Variants in NTNG1 observed in about 807,000 individuals in gnomAD.
The protein encoded by NTNG1 is netrin-G1.
NTNG1 carries 16 observed loss-of-function variants against 54.0 expected under a neutral mutation model. That is an observed-to-expected ratio of 0.30 (90% CI 0.20 to 0.45). The LOEUF (loss-of-function observed/expected upper bound fraction) is 0.45, where lower values mean the gene tolerates loss of function less well. NTNG1 is among the 20% of genes least tolerant of loss of function. The pLI is 1.00. For synonymous variants in NTNG1, 255 were observed against 263.1 expected (o/e 0.97, Z 0.30); for missense variants, 530 against 678.7 (o/e 0.78, Z 2.43).
In NTNG1 at chr1:107,227,256, G is replaced by T. The variant is rs115448266; in HGVS notation, c.246+78417G>T. 2.1e-3 allele frequency among the ~76,000 whole-genome samples: 322 copies of T among 152,144 alleles called. 3 individuals carry two copies. The highest frequency in any genetic ancestry group is 7.2e-3 in the African/African-American group (300 of 41,532). On this transcript the variant is annotated intron_variant, in intron 2 of 7. Transcript: ENST00000370068. ...CAGAGTGAGGGCTCAGCAAATGTTG[G>T]CCACTGTTAATATTGTATGAGTCCT...
At chr1:107,244,756 A>T (rs1305251010) in intron 2 of NTNG1, among the ~76,000 whole-genome samples, 1 of 151,996 alleles carries the variant, frequency 6.6e-6, no homozygotes, top group African/African-American at 2.4e-5. Flanking sequence ...CATGCCTTAC[A>T]CAGATCTTCT....
At chr1:107,220,762 T>C (rs4430358) in intron 2 of NTNG1, among the ~76,000 whole-genome samples, 13,622 of 152,222 alleles carry the variant, frequency 0.089, 761 homozygotes, top group African/African-American at 0.17. Context: ...ATTAAGACTC[T>C]ATGCATTTCC....
intron 5 of NTNG1, among the ~76,000 whole-genome samples, chr1:107,420,789 T>C (rs768495412): frequency 6.6e-6 from 1 of 152,040 alleles, no homozygotes; most frequent in Non-Finnish European, 1.5e-5. Context: ...CAGTAGGGGA[T>C]CCTACTATCC....
chr1:107,181,347 T>C (rs1657046352), intron 2 of NTNG1, among the ~76,000 whole-genome samples: 1 of 152,186 alleles, frequency 6.6e-6, no homozygotes, highest in Non-Finnish European at 1.5e-5. Context: ...ATCTATCAGT[T>C]ATGTATTGCA....
At chr1:107,435,825 C>T (rs1675561184) in intron 6 of NTNG1, among the ~76,000 whole-genome samples, 1 of 152,108 alleles carries the variant, frequency 6.6e-6, no homozygotes, top group South Asian at 2.1e-4. Context: ...CTGCCAGCTA[C>T]CTGCACTATC....
intron 3 of NTNG1, among the ~76,000 whole-genome samples, chr1:107,360,358 T>A (rs1003140827): frequency 6.6e-6 from 1 of 151,550 alleles, no homozygotes; most frequent in African/African-American, 2.4e-5. Flanking sequence ...TGTGAAAGAG[T>A]GGGCCACGGA....
chr1:107,392,628 A>G (rs1481199235), intron 3 of NTNG1, among the ~76,000 whole-genome samples: 3 of 152,070 alleles, frequency 2.0e-5, no homozygotes, highest in Non-Finnish European at 1.5e-5. Context: ...TGATTTGACA[A>G]GGGAGGCTGT....
intron 6 of NTNG1, among the ~76,000 whole-genome samples, chr1:107,436,164 G>T (rs1173299059): frequency 1.3e-5 from 2 of 152,172 alleles, no homozygotes; most frequent in Admixed American, 6.5e-5. Flanking sequence ...GTATATGCAT[G>T]AATAAGTTAA....
chr1:107,358,377 C>A (rs1208550877), intron 3 of NTNG1, among the ~76,000 whole-genome samples: 1 of 148,962 alleles, frequency 6.7e-6, no homozygotes, highest in African/African-American at 2.5e-5. Flanking sequence ...TTTTTTTTGA[C>A]ATCTATGACT....
intron 2 of NTNG1, among the ~76,000 whole-genome samples, chr1:107,253,659 T>C (rs529569785): frequency 6.6e-6 from 1 of 152,354 alleles, no homozygotes; most frequent in East Asian, 1.9e-4. Context: ...CTCAGGTCTT[T>C]AATGGCTTCG....
intron 2 of NTNG1, among the ~76,000 whole-genome samples, chr1:107,202,129 C>T (rs1488739674): frequency 1.3e-5 from 2 of 150,996 alleles, no homozygotes; most frequent in African/African-American, 4.9e-5. Flanking sequence ...TATTGTTTTG[C>T]CTTTTCATGT....
chr1:107,421,269 T>A, intron 5 of NTNG1: 1 of 654,076 alleles, frequency 1.5e-6, no homozygotes, highest in Admixed American at 2.3e-5. Context: ...TTGACTAATA[T>A]CAATCAATGC....
At chr1:107,174,494 T>C (rs1288487045) in intron 2 of NTNG1, among the ~76,000 whole-genome samples, 3 of 152,126 alleles carry the variant, frequency 2.0e-5, no homozygotes, top group African/African-American at 7.2e-5. Context: ...GCCATTAGGT[T>C]ACTTTTATTG....
intron 2 of NTNG1, among the ~76,000 whole-genome samples, chr1:107,244,568 CA>C (rs1366168687): frequency 1.2e-4 from 18 of 152,278 alleles, no homozygotes; most frequent in Non-Finnish European, 2.2e-4. Context: ...TTTCTGTTTT[CA>C]GTTTATCTTA....
intron 2 of NTNG1, among the ~76,000 whole-genome samples, chr1:107,311,877 C>T (rs1159798287): frequency 1.3e-5 from 2 of 152,250 alleles, no homozygotes; most frequent in East Asian, 3.9e-4. Context: ...ATATGACCGA[C>T]TTATGAGGTG....
chr1:107,182,853 C>T (rs1308637502), intron 2 of NTNG1, among the ~76,000 whole-genome samples: 2 of 152,268 alleles, frequency 1.3e-5, no homozygotes, highest in East Asian at 3.9e-4. Flanking sequence ...CGCTGTGATT[C>T]AGTTGCCCCT....
chr1:107,179,989 A>T (rs535244422), intron 2 of NTNG1, among the ~76,000 whole-genome samples: 1 of 152,302 alleles, frequency 6.6e-6, no homozygotes, highest in Admixed American at 6.5e-5. Context: ...GTGTACACAC[A>T]GGAGCCTTAA....
chr1:107,468,375 T>C (rs929910097), intron 7 of NTNG1, among the ~76,000 whole-genome samples: 1 of 152,166 alleles, frequency 6.6e-6, no homozygotes, highest in African/African-American at 2.4e-5. Flanking sequence ...CGTATTTGAA[T>C]TGATGACACA....
intron 7 of NTNG1, among the ~76,000 whole-genome samples, chr1:107,473,125 G>T (rs1262075308): frequency 6.6e-6 from 1 of 152,134 alleles, no homozygotes; most frequent in Non-Finnish European, 1.5e-5. Context: ...TAAAGGTAGA[G>T]GTCACTTTAT....
Sources: allele counts gnomAD v4.1 joint callset (sites outside exome capture counted in the v4.1 genomes callset), GRCh38; gene constraint gnomAD v4.1.1; transcripts MANE v1.5; gene names NCBI Gene and HGNC (gene_info 2026-07-23, HGNC 2026-07-21).